Variants in CPLX2 observed in about 807,000 individuals in gnomAD.
CPLX2 encodes the protein complexin 2.
Under a neutral mutation model 16.3 loss-of-function variants are expected in CPLX2, and 5 were observed. The observed-to-expected ratio is 0.31, with a 90% CI of 0.16 to 0.64. The LOEUF (loss-of-function observed/expected upper bound fraction) is 0.64, where lower values mean the gene tolerates loss of function less well. CPLX2 is among the 30% of genes least tolerant of loss of function. CPLX2 has a pLI of 0.79. For synonymous variants in CPLX2, 89 were observed against 73.2 expected, an observed-to-expected ratio of 1.22 and a Z score of -1.10; for missense variants, 144 against 181.4, an observed-to-expected ratio of 0.79 and a Z score of 1.18.
At chr5:175,844,487 A>G (rs1759005422) in intron 2 of CPLX2, among the ~76,000 whole-genome samples, 1 of 152,206 alleles carries the variant, frequency 6.6e-6, no homozygotes, top group Admixed American at 6.5e-5. Context: ...ACAGTCAACA[A>G]GGGGACAGAT....
chr5:175,857,754 T>C (rs1759288406), intron 2 of CPLX2, among the ~76,000 whole-genome samples: 1 of 152,160 alleles, frequency 6.6e-6, no homozygotes, highest in Non-Finnish European at 1.5e-5. Flanking sequence ...TTGGGAGCCA[T>C]TGTATCTGTT....
chr5:175,844,881 T>C (rs909287379), intron 2 of CPLX2, among the ~76,000 whole-genome samples: 1 of 152,154 alleles, frequency 6.6e-6, no homozygotes, highest in Non-Finnish European at 1.5e-5. Context: ...AAGATGAGTC[T>C]TTGTCGAGGG....
In CPLX2 at chr5:175,872,480, G is replaced by A. The variant is rs981039138; in HGVS notation, c.-89+775G>A. Among the ~76,000 whole-genome samples, 3 of 152,170 alleles carry A rather than the reference G, an allele frequency of 2.0e-5. No homozygotes were observed. Among genetic ancestry groups the A allele is most frequent in the Admixed American group, 6.5e-5 (1 of 15,282 alleles). On this transcript the variant is annotated intron_variant, in intron 1 of 3. Transcript: ENST00000393745. This position sits in a 1 kb window ranked among gnomAD's most constrained non-coding sequence, Gnocchi z 5.0. The stretch of plus-strand genomic sequence containing the variant: ...TGTGTTGGGGGAAGGGGCGCTCTCC[G>A]TGGCCCACCGGGAGATCCAGGACAG...
chr5:175,860,601 A>AGGAAGGAAGGAAGGAAGGAC (rs1759354919), intron 2 of CPLX2, among the ~76,000 whole-genome samples: 1 of 146,146 alleles, frequency 6.8e-6, no homozygotes. Flanking sequence ...GAAGGAAGGA[A>AGGAAGGAAGGAAGGAAGGAC]GGAAGGAAGG....
In CPLX2 at chr5:175,836,133, G is replaced by A. The variant is rs560401617; in HGVS notation, c.-89+27065G>A. The stretch of plus-strand genomic sequence containing the variant: ...TGGGAGGCCAAGGCGGGCAGATCAC[G>A]AGGTCAGGAGATCGAAACCATCCTG... On this transcript the variant is annotated intron_variant, in intron 2 of 4. Coordinates refer to the CPLX2 transcript ENST00000359546. Among the ~76,000 whole-genome samples, 59 of 152,204 alleles carry A rather than the reference G, an allele frequency of 3.9e-4. 1 individual carries two copies. Among genetic ancestry groups the A allele is most frequent in the Non-Finnish European group, 5.9e-4 (40 of 68,022 alleles).
chr5:175,822,237 TG>T (rs938007528), intron 2 of CPLX2, among the ~76,000 whole-genome samples: 12 of 152,208 alleles, frequency 7.9e-5, no homozygotes, highest in Non-Finnish European at 4.4e-5. Flanking sequence ...TTTTGAGTTT[TG>T]TCCTCAATTT....
chr5:175,828,395 G>A (rs1449718983), intron 2 of CPLX2, among the ~76,000 whole-genome samples: 2 of 152,168 alleles, frequency 1.3e-5, no homozygotes. Flanking sequence ...TGGAAGCAAC[G>A]CACGTTAGAG....
chr5:175,798,817 A>G lies in CPLX2; in HGVS notation c.-169+2033A>G, dbSNP rs201306078. Among the ~76,000 whole-genome samples the G allele has an allele frequency of 1.3e-5, 2 of 152,290 alleles. 1 individual carries two copies. The highest frequency in any genetic ancestry group is 1.3e-4 in the Admixed American group (2 of 15,292). On this transcript the variant is annotated intron_variant, in intron 1 of 4. Transcript: ENST00000359546. ...ACACCCACTCTCATCACACACACCC[A>G]CATCCACTCTCATCACATGCGCACA...
chr5:175,806,050 G>A (rs1029422975), intron 1 of CPLX2, among the ~76,000 whole-genome samples: 2 of 152,126 alleles, frequency 1.3e-5, no homozygotes, highest in Non-Finnish European at 2.9e-5. Flanking sequence ...CCACCTTCAT[G>A]CTCCCTTTCT....
Position 175,879,039 on chromosome 5 carries a change from A to C in CPLX2, c.163A>C (p.Met55Leu). ...EEERKAKHAR[M>L]EAEREKVRQQ... is the part of the protein sequence containing the mutation. ...GGAGCGTAAGGCCAAGCACGCGCGC[A>C]TGGAGGCGGAGCGGGAGAAGGTCCG... The change falls in exon 3 of 4, where the codon ATG (methionine) becomes CTG (leucine). Residue 55 changes from methionine to leucine, a missense_variant. Coordinates refer to ENST00000393745, the MANE Select transcript of CPLX2 (RefSeq NM_001008220.2). 6.3e-7 allele frequency: 1 copy of C among 1,589,502 alleles called. No homozygotes were observed.
chr5:175,839,802 G>A (rs1758914733), intron 2 of CPLX2, among the ~76,000 whole-genome samples: 1 of 152,222 alleles, frequency 6.6e-6, no homozygotes, highest in Admixed American at 6.5e-5. Context: ...GAATTACTCT[G>A]AAAAACTTAA....
intron 1 of CPLX2, among the ~76,000 whole-genome samples, chr5:175,799,539 C>CATATATATATTTATATATATATATATAT (rs1227041477): frequency 1.1e-4 from 8 of 72,262 alleles, no homozygotes; most frequent in African/African-American, 1.7e-4. Flanking sequence ...TTGCAAATTT[C>CATATATATATTTATATATATATATATAT]ATATATATAT....
chr5:175,867,885 C>G (rs1359305775), upstream of CPLX2, among the ~76,000 whole-genome samples: 1 of 152,196 alleles, frequency 6.6e-6, no homozygotes, highest in East Asian at 1.9e-4. Flanking sequence ...TACACTGGGA[C>G]CCTCACAGTG....
chr5:175,823,565 G>C (rs1758552161), intron 2 of CPLX2, among the ~76,000 whole-genome samples: 1 of 152,246 alleles, frequency 6.6e-6, no homozygotes, highest in African/African-American at 2.4e-5. Flanking sequence ...GTTGTTGATA[G>C]ATGAACCCCA....
intron 1 of CPLX2, among the ~76,000 whole-genome samples, chr5:175,877,499 C>G (rs1461831760): frequency 6.6e-6 from 1 of 152,198 alleles, no homozygotes; most frequent in African/African-American, 2.4e-5. Flanking sequence ...CCTTGCAAGG[C>G]TGTGTGGGAC....
chr5:175,846,171 G>A (rs1759040064), intron 2 of CPLX2, among the ~76,000 whole-genome samples: 1 of 152,122 alleles, frequency 6.6e-6, no homozygotes, highest in Non-Finnish European at 1.5e-5. Flanking sequence ...CAAGGGTGGG[G>A]GTGAGGCCCA....
intron 2 of CPLX2, among the ~76,000 whole-genome samples, chr5:175,842,772 T>C (rs1036786622): frequency 5.3e-5 from 8 of 152,214 alleles, no homozygotes; most frequent in African/African-American, 1.9e-4. Flanking sequence ...TCCTGAGCCC[T>C]GGCATCTGCC....
intron 1 of CPLX2, among the ~76,000 whole-genome samples, chr5:175,808,778 T>C (rs1758259784): frequency 6.6e-6 from 1 of 152,196 alleles, no homozygotes; most frequent in African/African-American, 2.4e-5. Flanking sequence ...GTAACTACTA[T>C]CAGATTGGGT....
intron 2 of CPLX2, among the ~76,000 whole-genome samples, chr5:175,836,276 G>A (rs1204123275): frequency 6.6e-6 from 1 of 152,190 alleles, no homozygotes; most frequent in Non-Finnish European, 1.5e-5. Context: ...CATGAACCCG[G>A]GAGGCGGAGC....
Sources: allele counts gnomAD v4.1 joint callset (sites outside exome capture counted in the v4.1 genomes callset), GRCh38; gene constraint gnomAD v4.1.1; non-coding constraint Gnocchi (gnomAD v3.1); transcripts MANE v1.5; gene names NCBI Gene and HGNC (gene_info 2026-07-23, HGNC 2026-07-21).